Variants in NUP88 observed in about 807,000 individuals in gnomAD.
NUP88 encodes the protein nucleoporin 88, also known as nuclear pore complex protein Nup88.
Under a neutral mutation model 93.9 loss-of-function variants are expected in NUP88, and 57 were observed. That is an observed-to-expected ratio of 0.61 (90% CI 0.49 to 0.76). The LOEUF (loss-of-function observed/expected upper bound fraction) is 0.76, where lower values mean the gene tolerates loss of function less well. NUP88 is among the 30% of genes least tolerant of loss of function. The pLI, the probability that NUP88 is intolerant of heterozygous loss-of-function variation, is 0.00. For missense variants in NUP88, 911 were observed against 901.0 expected, an observed-to-expected ratio of 1.01 and a Z score of -0.14; for synonymous variants, 346 against 336.8, an observed-to-expected ratio of 1.03 and a Z score of -0.30.
Position 5,414,017 on chromosome 17 carries a change from G to C in NUP88, c.585C>G (p.Asn195Lys). 6.2e-7 allele frequency: 1 copy of C among 1,613,442 alleles called. No individual in the cohort carries two copies. Among genetic ancestry groups the C allele is most frequent in the South Asian group, 1.1e-5 (1 of 91,066 alleles). Residue 195 changes from asparagine to lysine, a missense_variant, in exon 3 of 17, where the codon AAC becomes AAG. Transcript: ENST00000573584. ...DPHVVLLTSD[N>K]VIRIYSLREP... ...AGAGAAATAAAATTTACCTGATTAC[G>C]TTGTCTGATGTTAACAGCACTACGT...
chr17:5,395,061 T>C, intron 8 of NUP88, 80 bp from the exon 9 acceptor site: 1 of 866,474 alleles, frequency 1.2e-6, no homozygotes. Context: ...TTGGGTTAAA[T>C]GCAGTGAGGT....
intron 3 of NUP88, among the ~76,000 whole-genome samples, chr17:5,411,619 C>T (rs368193156): frequency 6.7e-6 from 1 of 149,566 alleles, no homozygotes. Flanking sequence ...AACCCAGTAT[C>T]GTATCATCTC....
At chr17:5,402,827 G>T (rs1050707622) in intron 7 of NUP88, among the ~76,000 whole-genome samples, 9 of 152,016 alleles carry the variant, frequency 5.9e-5, no homozygotes, top group Non-Finnish European at 1.0e-4. Flanking sequence ...GCAAAATCCC[G>T]TATCTACCAA....
chr17:5,410,472 G>C (rs537398003), intron 4 of NUP88, among the ~76,000 whole-genome samples: 11 of 96,022 alleles, frequency 1.1e-4, no homozygotes, highest in Non-Finnish European at 1.8e-4. Flanking sequence ...GCTCAGGCCT[G>C]TAATTCCAGC....
At chr17:5,390,347 T>C (rs1912337939) in intron 10 of NUP88, among the ~76,000 whole-genome samples, 1 of 152,206 alleles carries the variant, frequency 6.6e-6, no homozygotes, top group African/African-American at 2.4e-5. Context: ...TATTTTTGTT[T>C]GGTCTTGCTA....
chr17:5,400,326 G>A (rs377459160), intron 7 of NUP88, among the ~76,000 whole-genome samples: 5 of 151,524 alleles, frequency 3.3e-5, no homozygotes, highest in African/African-American at 9.7e-5. Context: ...GTGAAAACCC[G>A]TCTCTACTAA....
At chr17:5,408,592 CTCAAAA>C in intron 5 of NUP88, 135 bp downstream of exon 5, 5 of 603,980 alleles carry the variant, frequency 8.3e-6, no homozygotes, top group Non-Finnish European at 1.4e-5. Context: ...CTAACTCTTT[CTCAAAA>C]ATATGCAAGC....
Position 5,399,627 on chromosome 17 carries a change from G to T in NUP88, c.1216C>A (p.His406Asn). 1.2e-6 allele frequency: 2 copies of T among 1,603,170 alleles called. No individual in the cohort carries two copies. Among genetic ancestry groups the T allele is most frequent in the South Asian group, 1.1e-5 (1 of 90,024 alleles). ...TGTACACCAGCTTCATGAGTACAGT[G>T]ATATCTTGAAGGACACTTGGGATCT... ...HRDPKCPSRY[H>N]CTHEAGVHSV... The change falls in exon 8 of 17, where the codon CAC (histidine) becomes AAC (asparagine). Residue 406 changes from histidine to asparagine, a missense_variant. Coordinates refer to ENST00000573584, the MANE Select transcript of NUP88 (RefSeq NM_002532.6).
At chr17:5,387,324 A>G (rs1042949776) in intron 14 of NUP88, 62 bp downstream of exon 14, 13 of 1,454,784 alleles carry the variant, frequency 8.9e-6, no homozygotes, top group Non-Finnish European at 1.2e-5. Flanking sequence ...GCCAATGCCC[A>G]TTTTCTTAAA....
chr17:5,404,064 T>TG, intron 7 of NUP88, 35 bp downstream of exon 7: 1 of 1,599,444 alleles, frequency 6.3e-7, no homozygotes, highest in African/African-American at 1.3e-5. Context: ...ATAAAAATCA[T>TG]GGGAAAAAAG....
chr17:5,414,204 T>C (rs1914005679), intron 2 of NUP88, 70 bp from the exon 3 acceptor site: 2 of 1,394,194 alleles, frequency 1.4e-6, no homozygotes, highest in Non-Finnish European at 2.0e-6. Context: ...AAGGAACTTC[T>C]TTTTTTTGCA....
chr17:5,387,546 G>T, intron 13 of NUP88, 59 bp downstream of exon 13: 2 of 1,591,790 alleles, frequency 1.3e-6, no homozygotes, highest in East Asian at 2.2e-5. Flanking sequence ...GCATCTTAGG[G>T]TGAGAATATG....
chr17:5,410,004 T>A (rs1913737007), intron 4 of NUP88, among the ~76,000 whole-genome samples: 1 of 152,102 alleles, frequency 6.6e-6, no homozygotes, highest in African/African-American at 2.4e-5. Flanking sequence ...GGAAAGGCAA[T>A]CAGGTGGCAT....
At chr17:5,398,315 A>C (rs1442622139) in intron 8 of NUP88, among the ~76,000 whole-genome samples, 1 of 151,910 alleles carries the variant, frequency 6.6e-6, no homozygotes, top group Admixed American at 6.6e-5. Context: ...TTTGAGACGG[A>C]GTCTTGCTCT....
chr17:5,401,382 C>CA (rs972048733), intron 7 of NUP88, among the ~76,000 whole-genome samples: 212 of 114,260 alleles, frequency 1.9e-3, no homozygotes, highest in African/African-American at 4.1e-3. Context: ...AACTCCGTCT[C>CA]AAAAAAAAAC....
chr17:5,404,096 T>C lies in NUP88; in HGVS notation c.1192+3A>G. ...AAAGCACTACATTTATTGAAGAGCTTACCTCTATGAAGTTTGACTGGACAA... is the reference window on the plus strand; with the variant it reads ...AAAGCACTACATTTATTGAAGAGCTCACCTCTATGAAGTTTGACTGGACAA... On this transcript the variant is annotated splice_donor_region_variant and intron_variant, in intron 7 of 16. Coordinates refer to ENST00000573584, the MANE Select transcript of NUP88 (RefSeq NM_002532.6). 6.2e-7 allele frequency: 1 copy of C among 1,613,794 alleles called. No homozygotes were observed. The highest frequency in any genetic ancestry group is 2.2e-5 in the East Asian group (1 of 44,872).
chr17:5,409,949 T>C (rs955930576), intron 4 of NUP88, among the ~76,000 whole-genome samples: 3 of 152,068 alleles, frequency 2.0e-5, no homozygotes, highest in African/African-American at 7.2e-5. Flanking sequence ...GAGGCCAAGG[T>C]GCCTGGAGCC....
At chr17:5,389,503 C>T (rs1197673692) in intron 10 of NUP88, among the ~76,000 whole-genome samples, 2 of 152,156 alleles carry the variant, frequency 1.3e-5, no homozygotes, top group African/African-American at 2.4e-5. Context: ...TTTGGTTGGG[C>T]GTGGTGGCTC....
chr17:5,397,741 G>T (rs1474728490), intron 8 of NUP88, among the ~76,000 whole-genome samples: 1 of 152,178 alleles, frequency 6.6e-6, no homozygotes, highest in East Asian at 1.9e-4. Flanking sequence ...ATTAAGCATT[G>T]TGTTGGTTCC....
Sources: gnomAD v4.1 joint callset for allele counts (sites outside exome capture counted in the v4.1 genomes callset) on GRCh38, gnomAD v4.1.1 for gene constraint, MANE v1.5 for transcripts, NCBI Gene and HGNC (gene_info 2026-07-23, HGNC 2026-07-21) for gene names.